ANKRD45: variants seen among roughly 807,000 people sequenced by gnomAD.
ANKRD45 encodes the protein ankyrin repeat domain-containing protein 45.
Under a neutral mutation model 28.1 loss-of-function variants are expected in ANKRD45, and 21 were observed. The observed-to-expected ratio is 0.75, with a 90% confidence interval of 0.53 to 1.08. ANKRD45 has a LOEUF of 1.08. ANKRD45 is among the 50% of genes least tolerant of loss of function. ANKRD45 has a pLI of 0.00. For missense variants in ANKRD45, 261 were observed against 308.7 expected (o/e 0.85, Z 1.16); for synonymous variants, 86 against 103.9 (o/e 0.83, Z 1.05).
intron 2 of ANKRD45, among the ~76,000 whole-genome samples, chr1:173,647,483 C>G (rs986428118): frequency 6.6e-6 from 1 of 152,122 alleles, no homozygotes; most frequent in Admixed American, 6.5e-5. Flanking sequence ...TTTGGAAATT[C>G]TATTAATTAA....
the ANKRD45 span, among the ~76,000 whole-genome samples, chr1:173,685,317 G>A: frequency 3.3e-5 from 5 of 152,222 alleles, no homozygotes; most frequent in East Asian, 9.6e-4. Flanking sequence ...TTTGTATTGG[G>A]AGATGGAAGC....
At chr1:173,685,868 C>T in the ANKRD45 span, among the ~76,000 whole-genome samples, 8 of 152,234 alleles carry the variant, frequency 5.3e-5, no homozygotes, top group East Asian at 1.5e-3. Flanking sequence ...AGATAATGAC[C>T]TGTATAGAAT....
chr1:173,637,859 TG>T (rs1340947053), intron 3 of ANKRD45, among the ~76,000 whole-genome samples: 2 of 152,216 alleles, frequency 1.3e-5, no homozygotes, highest in African/African-American at 4.8e-5. Flanking sequence ...CATTCCCCTC[TG>T]GGACAGTCTT....
intron 2 of ANKRD45, among the ~76,000 whole-genome samples, chr1:173,649,116 AATTT>A (rs1285319685): frequency 2.0e-5 from 3 of 152,198 alleles, no homozygotes; most frequent in Non-Finnish European, 4.4e-5. Flanking sequence ...GTATGAAAAC[AATTT>A]ATCTACCCTT....
At chr1:173,669,669 G>A in intron 1 of ANKRD45, 148 bp downstream of exon 1, 1 of 362,020 alleles carries the variant, frequency 2.8e-6, no homozygotes, top group Non-Finnish European at 5.7e-6. Context: ...GCAAAGCTCT[G>A]GACAGAAGCA....
At chr1:173,655,810 G>A (rs1669477829) in intron 2 of ANKRD45, among the ~76,000 whole-genome samples, 1 of 152,236 alleles carries the variant, frequency 6.6e-6, no homozygotes, top group Non-Finnish European at 1.5e-5. Context: ...CTCAGCAATG[G>A]CAGATGCCCC....
At chr1:173,707,367 C>T in the ANKRD45 span, among the ~76,000 whole-genome samples, 1 of 150,992 alleles carries the variant, frequency 6.6e-6, no homozygotes, top group African/African-American at 2.4e-5. Flanking sequence ...AAGCCTTGCT[C>T]TATCACCCAG....
At chr1:173,623,727 A>G (rs967018084) in intron 5 of ANKRD45, among the ~76,000 whole-genome samples, 2 of 152,188 alleles carry the variant, frequency 1.3e-5, no homozygotes, top group African/African-American at 4.8e-5. Context: ...TATCAATGAT[A>G]GACTGGGTAA....
intron 4 of ANKRD45, among the ~76,000 whole-genome samples, chr1:173,626,730 A>G (rs1215846515): frequency 6.6e-6 from 1 of 151,892 alleles, no homozygotes; most frequent in African/African-American, 2.4e-5. Context: ...ATAGTTTGAT[A>G]TTGCTTGTTT....
At chr1:173,641,571 A>C (rs1372574550) in intron 3 of ANKRD45, among the ~76,000 whole-genome samples, 1 of 152,148 alleles carries the variant, frequency 6.6e-6, no homozygotes, top group Admixed American at 6.5e-5. Flanking sequence ...TCAGTCCCCG[A>C]GCTGTATGAT....
intron 2 of ANKRD45, among the ~76,000 whole-genome samples, chr1:173,651,720 T>C (rs1669232328): frequency 1.3e-5 from 2 of 152,204 alleles, no homozygotes; most frequent in African/African-American, 4.8e-5. Context: ...ATTCTTCCTA[T>C]CCATGAGCAT....
intron 5 of ANKRD45, among the ~76,000 whole-genome samples, chr1:173,621,220 C>G (rs1169185136): frequency 6.6e-6 from 1 of 152,084 alleles, no homozygotes; most frequent in African/African-American, 2.4e-5. Context: ...TGAATTCCAC[C>G]AGAGGTATAA....
chr1:173,654,488 C>T (rs1275451579), intron 2 of ANKRD45, among the ~76,000 whole-genome samples: 1 of 152,174 alleles, frequency 6.6e-6, no homozygotes, highest in East Asian at 1.9e-4. Context: ...ATGGGCTTCC[C>T]TTTGTGGGTA....
the ANKRD45 span, among the ~76,000 whole-genome samples, chr1:173,708,663 T>A: frequency 6.6e-6 from 1 of 152,342 alleles, no homozygotes; most frequent in African/African-American, 2.4e-5. Flanking sequence ...TGAAATTGAG[T>A]CAACTTATCC....
At chr1:173,683,622 C>T in the ANKRD45 span, among the ~76,000 whole-genome samples, 1 of 152,084 alleles carries the variant, frequency 6.6e-6, no homozygotes, top group South Asian at 2.1e-4. Flanking sequence ...TCAGCAGCAC[C>T]TCCAGTCAGA....
chr1:173,634,764 T>C (rs1456187105), intron 3 of ANKRD45, among the ~76,000 whole-genome samples: 1 of 151,966 alleles, frequency 6.6e-6, no homozygotes, highest in Non-Finnish European at 1.5e-5. Context: ...TATTACTTTT[T>C]GCTTTTACCT....
At chr1:173,699,241 G>A in the ANKRD45 span, among the ~76,000 whole-genome samples, 2 of 152,106 alleles carry the variant, frequency 1.3e-5, no homozygotes, top group Non-Finnish European at 2.9e-5. Context: ...TCTACCAGAG[G>A]TACAAAGAGG....
chr1:173,662,922 A>G (rs1669845474), intron 1 of ANKRD45, among the ~76,000 whole-genome samples: 1 of 152,120 alleles, frequency 6.6e-6, no homozygotes, highest in Non-Finnish European at 1.5e-5. Context: ...CCCAATCAAC[A>G]ATGACTCAAC....
chr1:173,687,159 TTC>T, the ANKRD45 span, among the ~76,000 whole-genome samples: 1 of 152,226 alleles, frequency 6.6e-6, no homozygotes, highest in African/African-American at 2.4e-5. Flanking sequence ...AAAATCCACA[TTC>T]TTATGCATCC....
Sources: gnomAD v4.1 joint callset for allele counts (sites outside exome capture counted in the v4.1 genomes callset) on GRCh38, gnomAD v4.1.1 for gene constraint, MANE v1.5 for transcripts, NCBI Gene and HGNC (gene_info 2026-07-23, HGNC 2026-07-21) for gene names.